KLF13: variants seen among roughly 807,000 people sequenced by gnomAD.
KLF13 encodes the protein Krueppel-like factor 13.
KLF13 carries 8 observed loss-of-function variants against 16.7 expected under a neutral mutation model. The ratio of observed to expected loss-of-function variants is 0.48; its 90% CI spans 0.28 to 0.87. The LOEUF is 0.87. Ranked by LOEUF, KLF13 falls within the 40% of genes least tolerant of loss-of-function variation. The pLI is 0.10. For synonymous variants in KLF13, 245 were observed against 208.4 expected, an observed-to-expected ratio of 1.18 and a Z score of -1.51; for missense variants, 447 against 452.2, an observed-to-expected ratio of 0.99 and a Z score of 0.10.
At chr15:31,333,565 TC>T (rs2038872131) in intron 1 of KLF13, among the ~76,000 whole-genome samples, 1 of 152,232 alleles carries the variant, frequency 6.6e-6, no homozygotes, top group Admixed American at 6.5e-5. Context: ...CTTCTCTTTT[TC>T]TTTCTAAAGA....
chr15:31,360,002 C>G (rs1033423845), intron 1 of KLF13, among the ~76,000 whole-genome samples: 2 of 152,206 alleles, frequency 1.3e-5, no homozygotes, highest in African/African-American at 4.8e-5. Context: ...CCAGCTCTTG[C>G]TAGCCCTCCC....
intron 1 of KLF13, among the ~76,000 whole-genome samples, chr15:31,344,503 C>T (rs1349941065): frequency 1.3e-5 from 2 of 152,232 alleles, no homozygotes; most frequent in Non-Finnish European, 2.9e-5. Flanking sequence ...TTGGGGGTGA[C>T]TTCACCCTAC....
chr15:31,336,472 A>G (rs1009220689), intron 1 of KLF13, among the ~76,000 whole-genome samples: 2 of 152,172 alleles, frequency 1.3e-5, no homozygotes, highest in Non-Finnish European at 2.9e-5. Flanking sequence ...GGCCACACCT[A>G]AGTATGTGCA....
chr15:31,335,623 C>T (rs1322158338), intron 1 of KLF13, among the ~76,000 whole-genome samples: 1 of 152,154 alleles, frequency 6.6e-6, no homozygotes, highest in Non-Finnish European at 1.5e-5. Context: ...GTTTATTGTT[C>T]TCCATTTTTG....
intron 1 of KLF13, among the ~76,000 whole-genome samples, chr15:31,360,726 G>A (rs1026131457): frequency 6.6e-6 from 1 of 152,088 alleles, no homozygotes; most frequent in Non-Finnish European, 1.5e-5. Flanking sequence ...GTTTTGTCTC[G>A]GCTCCCTCAA....
chr15:31,392,839 CCGCG>C (rs2140984389), exon 1 of KLF13: 10 of 140,584 alleles, frequency 7.1e-5, no homozygotes, highest in African/African-American at 2.7e-4. Context: ...CCGCCCCCGC[CCGCG>C]ACGCTTCCGG....
At chr15:31,417,249 C>G (rs2040265703) in intron 1 of KLF13, among the ~76,000 whole-genome samples, 1 of 152,080 alleles carries the variant, frequency 6.6e-6, no homozygotes, top group Non-Finnish European at 1.5e-5. Context: ...ATCCCCAGCA[C>G]TTTGGGAGGC....
intron 1 of KLF13, among the ~76,000 whole-genome samples, chr15:31,383,754 T>C (rs1351963686): frequency 6.6e-6 from 1 of 151,878 alleles, no homozygotes; most frequent in African/African-American, 2.4e-5. Flanking sequence ...CAAAAAAAAT[T>C]AGCTGGGCGT....
At chr15:31,357,545 G>A (rs1459520649) in intron 1 of KLF13, among the ~76,000 whole-genome samples, 1 of 152,240 alleles carries the variant, frequency 6.6e-6, no homozygotes, top group Non-Finnish European at 1.5e-5. Context: ...GGGAGGGAGG[G>A]TGGTCCTGCT....
At chr15:31,328,853 T>C (rs1393006447) in intron 1 of KLF13, among the ~76,000 whole-genome samples, 2 of 151,262 alleles carry the variant, frequency 1.3e-5, no homozygotes, top group Non-Finnish European at 2.9e-5. Flanking sequence ...ACGTGAGTTC[T>C]TCTGTGACAC....
intron 1 of KLF13, among the ~76,000 whole-genome samples, chr15:31,364,811 A>G (rs1172320885): frequency 6.6e-6 from 1 of 152,244 alleles, no homozygotes; most frequent in Non-Finnish European, 1.5e-5. Context: ...ACTTCCTGCG[A>G]AGCCATGTGC....
chr15:31,411,400 C>CTTTTTT (rs140755995), intron 1 of KLF13, among the ~76,000 whole-genome samples: 1 of 138,148 alleles, frequency 7.2e-6, no homozygotes, highest in African/African-American at 2.7e-5. Flanking sequence ...TTTTTTTTTT[C>CTTTTTT]TTTTTTTTTT....
chr15:31,404,929 G>C (rs893908972), downstream of KLF13, among the ~76,000 whole-genome samples: 2 of 152,118 alleles, frequency 1.3e-5, no homozygotes, highest in South Asian at 2.1e-4. Context: ...AGAGAACAGT[G>C]GGGGGAGCTC....
At chr15:31,335,554 G>T (rs1448966148) in intron 1 of KLF13, among the ~76,000 whole-genome samples, 2 of 151,748 alleles carry the variant, frequency 1.3e-5, no homozygotes, top group Non-Finnish European at 2.9e-5. Context: ...CCAGTCCCTG[G>T]TTTTTACCAA....
downstream of KLF13, among the ~76,000 whole-genome samples, chr15:31,379,794 A>G (rs2039702273): frequency 6.6e-6 from 1 of 152,194 alleles, no homozygotes; most frequent in South Asian, 2.1e-4. Flanking sequence ...GGCAGGCCTG[A>G]GAGGCCAGCC....
intron 1 of KLF13, among the ~76,000 whole-genome samples, chr15:31,343,629 A>G (rs951673375): frequency 2.6e-5 from 4 of 152,174 alleles, no homozygotes; most frequent in Non-Finnish European, 4.4e-5. Flanking sequence ...ACTGGATTTC[A>G]TGTTAGGAGA....
intron 2 of KLF13, chr15:31,393,764 G>C (rs1186618637): frequency 6.6e-6 from 1 of 152,260 alleles, no homozygotes; most frequent in Non-Finnish European, 1.5e-5. Context: ...CTGAGTGCTG[G>C]ACCTGTATCC....
rs545309152 is a variant in KLF13, at chr15:31,377,316, C to G, written c.*5017C>G. On this transcript the variant is annotated 3_prime_UTR_variant, in exon 2 of 2. Transcript: ENST00000307145. ...GCTCCCTGGCCTCATCCTAGAGAGG[C>G]CCCTGGTGCCTAGTGCTGAGGCCTC... The G allele has an allele frequency of 1.3e-5, 2 of 150,938 alleles. No homozygotes were observed. The highest frequency in any genetic ancestry group is 2.1e-4 in the South Asian group (1 of 4,682). The allele number at this position is 150,938 out of a possible 1,614,324, so 9.3% of individuals were successfully genotyped here.
At chr15:31,434,994 G>A (rs1043895196) in intron 1 of KLF13, among the ~76,000 whole-genome samples, 1 of 152,194 alleles carries the variant, frequency 6.6e-6, no homozygotes, top group Admixed American at 6.5e-5. Flanking sequence ...CAGTCAAGGC[G>A]GACTTGTCAG....
Sources: allele counts gnomAD v4.1 joint callset (sites outside exome capture counted in the v4.1 genomes callset), GRCh38; gene constraint gnomAD v4.1.1; transcripts MANE v1.5; gene names NCBI Gene and HGNC (gene_info 2026-07-23, HGNC 2026-07-21).